POLR3C: variants seen among roughly 807,000 people sequenced by gnomAD.
POLR3C encodes the protein RNA polymerase III subunit C.
A neutral mutation model predicts 65.9 loss-of-function variants in POLR3C; 44 were observed. The observed-to-expected ratio is 0.67, with a 90% CI of 0.52 to 0.86. POLR3C has a LOEUF of 0.86. Among genes scored for constraint, POLR3C ranks in the 40% least tolerant of loss-of-function variants. The pLI, the probability that POLR3C is intolerant of heterozygous loss-of-function variation, is 0.00. For synonymous variants in POLR3C, 263 were observed against 231.6 expected (o/e 1.14, Z -1.23); for missense variants, 576 against 653.2 (o/e 0.88, Z 1.29).
rs1335080158 is a variant in POLR3C at position 145,824,249 on chromosome 1, G to T, written c.-141G>T. 3.8e-6 allele frequency: 1 copy of T among 264,454 alleles called. No homozygotes were observed. Among genetic ancestry groups the T allele is most frequent in the Non-Finnish European group, 7.5e-6 (1 of 134,092 alleles). 16.4% of individuals were successfully genotyped at this position (264,454 alleles called of 1,614,324 possible). On this transcript the variant is annotated 5_prime_UTR_variant, in exon 1 of 15. Transcript: ENST00000334163. ...TCCGCGTCTTCTTCGGTGGCGATCC[G>T]CGTCCTAGAAAGGGCGGTGGGCTCC...
At chr1:145,840,321 C>T in intron 13 of POLR3C, 156 bp downstream of exon 13, 1 of 606,284 alleles carries the variant, frequency 1.6e-6, no homozygotes, top group East Asian at 2.9e-5. Flanking sequence ...AGGTGGATCA[C>T]TTGAGGTCAG....
Position 145,837,615 on chromosome 1 carries a change from G to A in POLR3C, c.1070+19G>A. 6.4e-7 allele frequency: 1 copy of A among 1,565,220 alleles called. No homozygotes were observed. Among genetic ancestry groups the A allele is most frequent in the Non-Finnish European group, 8.8e-7 (1 of 1,136,682 alleles). On this transcript the variant is annotated intron_variant, in intron 10 of 14. Transcript: ENST00000334163. ...AGGAGAGGTAAGGGGGACACTGGTT[G>A]GGTTTGGGATCACATACTTCCTATC...
intron 7 of POLR3C, among the ~76,000 whole-genome samples, chr1:145,834,146 ATACTG>A (rs1553727940): frequency 6.6e-6 from 1 of 152,206 alleles, no homozygotes; most frequent in African/African-American, 2.4e-5. Context: ...ACTGTACTGA[ATACTG>A]TAGGCAGTTG....
Position 145,838,110 on chromosome 1 carries a change from A to G in POLR3C, c.1125A>G (p.Ile375Met). 1.2e-6 allele frequency: 2 copies of G among 1,613,832 alleles called. No individual in the cohort carries two copies. The highest frequency in any genetic ancestry group is 8.5e-7 in the Non-Finnish European group (1 of 1,179,694). ...GTCTAGTTTTGCAGAAGAAACACAT[A>G]GAGCAGAAGCAAGTGGAAGACTTTG... ...IFRLVLQKKH[I>M]EQKQVEDFAM... Residue 375 changes from isoleucine (I) to methionine (M), a missense_variant, in exon 11 of 15, where the codon ATA (isoleucine) becomes ATG (methionine). By Grantham distance (10) the Ile-to-Met change is conservative. Transcript: ENST00000334163.
intron 7 of POLR3C, among the ~76,000 whole-genome samples, chr1:145,834,207 G>C (rs1651593125): frequency 6.6e-6 from 1 of 152,124 alleles, no homozygotes. Context: ...CACAGAAAAG[G>C]TACAGTAAAA....
At chr1:145,840,801 G>A in intron 13 of POLR3C, 121 bp from the exon 14 acceptor site, 4 of 601,176 alleles carry the variant, frequency 6.7e-6, no homozygotes, top group Non-Finnish European at 8.7e-6. Flanking sequence ...GTCCTTAGAA[G>A]GTGACATTAT....
At chr1:145,838,288 C>T (rs1652015678) in intron 11 of POLR3C, 82 bp downstream of exon 11, 2 of 1,075,402 alleles carry the variant, frequency 1.9e-6, no homozygotes, top group Non-Finnish European at 2.8e-6. Context: ...ACATACTGAA[C>T]CCCCAAGCAA....
Position 145,836,797 on chromosome 1 carries a change from C to G in POLR3C, c.958-18C>G. On this transcript the variant is annotated intron_variant, in intron 8 of 14. Transcript: ENST00000334163. ...CTGGACTTTCCGTTCAGTTAACACT[C>G]TCTCTTTTTCTTAATAGCTAGAGTT... 6.5e-7 allele frequency: 1 copy of G among 1,540,968 alleles called. No homozygotes were observed. Among genetic ancestry groups the G allele is most frequent in the Non-Finnish European group, 9.0e-7 (1 of 1,115,612 alleles).
chr1:145,824,984 C>T (rs1483101187), intron 1 of POLR3C, among the ~76,000 whole-genome samples: 2 of 152,074 alleles, frequency 1.3e-5, no homozygotes, highest in Non-Finnish European at 2.9e-5. Context: ...CGCATAATCC[C>T]ATAGAGATAA....
At chr1:145,835,595 CAG>C (rs1420326671) in intron 7 of POLR3C, among the ~76,000 whole-genome samples, 2 of 151,778 alleles carry the variant, frequency 1.3e-5, no homozygotes, top group Non-Finnish European at 2.9e-5. Flanking sequence ...TTTTTTGTGA[CAG>C]AGTCTTGTAC....
In POLR3C at chr1:145,826,647, G is replaced by A. The variant is rs1650775745; in HGVS notation, c.341G>A (p.Gly114Asp). Residue 114 changes from glycine to aspartate, a missense_variant, in exon 3 of 15, where the codon GGC becomes GAC. Physicochemically the swap from Gly to Asp is moderately conservative, Grantham distance 94. Coordinates refer to ENST00000334163, the MANE Select transcript of POLR3C (RefSeq NM_006468.8). The stretch of plus-strand genomic sequence containing the variant: ...ATTGTTGAGGAGCTTCTGTTGAACG[G>A]CAAACTGACAATGTCAGCTGTTGTG... ...ELIVEELLLNGKLTMSAVVKK... is the reference protein window; with the variant it reads ...ELIVEELLLNDKLTMSAVVKK... 6.2e-7 allele frequency: 1 copy of A among 1,614,060 alleles called. No individual in the cohort carries two copies. The highest frequency in any genetic ancestry group is 8.5e-7 in the Non-Finnish European group (1 of 1,179,946).
At position 145,833,581 on chromosome 1, in the gene POLR3C, A is replaced by C. The variant is rs1298298817; in HGVS notation, c.875A>C (p.Glu292Ala). ...APFTQPLSSN[E>A]IFRSLPVGYN... ...TTCACCCAGCCATTGTCTTCCAATG[A>C]GGTGAGTTTCATGTTCTTGCACTAA... The change falls in exon 7 of 15, where the codon GAG becomes GCG. Residue 292 changes from glutamate to alanine, a missense_variant and splice_region_variant. Physicochemically the swap from Glu to Ala is moderately radical, Grantham distance 107. Transcript: ENST00000334163. The C allele has an allele frequency of 6.3e-7, 1 of 1,589,188 alleles. No individual in the cohort carries two copies. The highest frequency in any genetic ancestry group is 8.6e-7 in the Non-Finnish European group (1 of 1,157,346).
At chr1:145,829,802 T>G (rs1445530669) in intron 5 of POLR3C, among the ~76,000 whole-genome samples, 1 of 152,216 alleles carries the variant, frequency 6.6e-6, no homozygotes, top group Non-Finnish European at 1.5e-5. Flanking sequence ...CAGATCTTCA[T>G]GTAGTGGTCT....
intron 5 of POLR3C, among the ~76,000 whole-genome samples, chr1:145,831,909 C>T (rs1383959681): frequency 6.6e-6 from 1 of 152,186 alleles, no homozygotes; most frequent in Middle Eastern, 3.4e-3. Context: ...AGCGTGGTGG[C>T]ACGCACCTGT....
At position 145,843,285 on chromosome 1, in the gene POLR3C, G is replaced by T. The variant is rs1652427752; in HGVS notation, c.*865G>T. Among the ~76,000 whole-genome samples the T allele has an allele frequency of 6.6e-6, 1 of 152,088 alleles. No individual in the cohort carries two copies. Among genetic ancestry groups the T allele is most frequent in the South Asian group, 2.1e-4 (1 of 4,828 alleles). ...AAATTAGCGCCTTCCTCTTCTCCAT[G>T]GTTCCTTAAAACTGGCAACGCTAAA... On this transcript the variant is annotated 3_prime_UTR_variant, in exon 15 of 15. Transcript: ENST00000334163.
chr1:145,835,401 C>A (rs1219507558), intron 7 of POLR3C, among the ~76,000 whole-genome samples: 4 of 148,732 alleles, frequency 2.7e-5, no homozygotes, highest in Non-Finnish European at 5.9e-5. Flanking sequence ...GCTGAGATCG[C>A]ACCACTGCAC....
In POLR3C at chr1:145,842,743, T is replaced by C. The variant is rs1652384165; in HGVS notation, c.*323T>C. Among the ~76,000 whole-genome samples the C allele has an allele frequency of 6.6e-6, 1 of 151,048 alleles. No homozygotes were observed. Among genetic ancestry groups the C allele is most frequent in the South Asian group, 2.1e-4 (1 of 4,834 alleles). ...GGCAATAGGAAACTTCCTAAGAAGT[T>C]AATTTTATTTTCAGATGTCTATGCC... On this transcript the variant is annotated 3_prime_UTR_variant, in exon 15 of 15. Coordinates refer to ENST00000334163, the MANE Select transcript of POLR3C (RefSeq NM_006468.8).
At chr1:145,836,337 C>G (rs1651835789) in intron 7 of POLR3C, among the ~76,000 whole-genome samples, 157 bp from the exon 8 acceptor site, 1 of 152,168 alleles carries the variant, frequency 6.6e-6, no homozygotes, top group Non-Finnish European at 1.5e-5. Flanking sequence ...TCAGGCTGGT[C>G]TCCAACTCTT....
intron 7 of POLR3C, among the ~76,000 whole-genome samples, chr1:145,835,078 G>A (rs2101648053): frequency 6.8e-6 from 1 of 146,462 alleles, no homozygotes; most frequent in East Asian, 2.1e-4. Flanking sequence ...CCCAAGAGTT[G>A]AGGTTGCAGT....
Sources: allele counts gnomAD v4.1 joint callset (sites outside exome capture counted in the v4.1 genomes callset), GRCh38; gene constraint gnomAD v4.1.1; transcripts MANE v1.5; gene names NCBI Gene and HGNC (gene_info 2026-07-23, HGNC 2026-07-21).